The following CES1 variants were observed in gnomAD, a reference collection of about 807,000 sequenced individuals.
CES1 encodes the protein carboxylesterase 1.
Under a neutral mutation model 53.0 loss-of-function variants are expected in CES1, and 50 were observed. That is an observed-to-expected ratio of 0.94 (90% CI 0.75 to 1.19). CES1 has a LOEUF of 1.19. CES1 is among the 50% of genes most tolerant of loss of function. The pLI is 0.00. For missense variants in CES1, 534 were observed against 538.0 expected (o/e 0.99, Z 0.07); for synonymous variants, 202 against 210.1 (o/e 0.96, Z 0.33).
rs754167940 is a variant in CES1, at chr16:55,816,919, C to T, written c.945+5G>A. 4.3e-6 allele frequency: 7 copies of T among 1,613,942 alleles called. No homozygotes were observed. The South Asian group carries it at 5.5e-5, about 13-fold the overall frequency. On this transcript the variant is annotated splice_donor_5th_base_variant and intron_variant, in intron 8 of 13. Transcript: ENST00000360526. ...ACCCGTAATCCAGAAACAAAAGGTC[C>T]TTACCTCTCTGGGGTCTCCCTGTAA...
At chr16:55,810,159 C>T (rs1332766164) in intron 11 of CES1, among the ~76,000 whole-genome samples, 4 of 152,150 alleles carry the variant, frequency 2.6e-5, no homozygotes, top group Admixed American at 6.5e-5. Context: ...TGCCCCTGAG[C>T]CCTGTATTCT....
chr16:55,812,307 G>A (rs2031735887), intron 9 of CES1: 1 of 157,300 alleles, frequency 6.4e-6, no homozygotes, highest in Non-Finnish European at 1.4e-5. Flanking sequence ...TTGGGTCTCT[G>A]GAGTTTGCTG....
rs60054861 is a variant in CES1, at chr16:55,821,501, C to T, written c.560G>A (p.Arg187Gln). ...CTGGTCCAGGTGACCCCAGTTCCCC[C>T]GGCTGTGTTCATCCCCTGTGCTGTG... ...GFFSTGDEHS[R>Q]GNWGHLDQVA... is the part of the protein sequence containing the mutation. Residue 187 changes from arginine to glutamine, a missense_variant, in exon 5 of 14, where the codon CGG (arginine) becomes CAG (glutamine). Physicochemically the swap from Arg to Gln is conservative, Grantham distance 43. Transcript: ENST00000360526. 1.3e-3 allele frequency: 2,053 copies of T among 1,614,118 alleles called. 19 individuals are homozygous for T. In the African/African-American group the frequency reaches 0.022, roughly 17 times the overall value.
intron 8 of CES1, among the ~76,000 whole-genome samples, 181 bp downstream of exon 8, chr16:55,816,743 G>A (rs1018412781): frequency 6.6e-6 from 1 of 152,148 alleles, no homozygotes; most frequent in Non-Finnish European, 1.5e-5. Flanking sequence ...TGGGTTCCAG[G>A]CCAGCCACTA....
chr16:55,813,094 T>C, intron 8 of CES1, 51 bp from the exon 9 acceptor site: 1 of 1,611,220 alleles, frequency 6.2e-7, no homozygotes, highest in South Asian at 1.1e-5. Context: ...GTCACACCCA[T>C]GTCCCCAACT....
intron 2 of CES1, among the ~76,000 whole-genome samples, chr16:55,827,162 C>G (rs150750101): frequency 8.3e-4 from 126 of 152,084 alleles, no homozygotes; most frequent in East Asian, 3.7e-3. Context: ...GAAACTGAGG[C>G]ACTCAGACTC....
intron 2 of CES1, among the ~76,000 whole-genome samples, chr16:55,826,988 A>C (rs548457520): frequency 6.6e-6 from 1 of 152,332 alleles, no homozygotes; most frequent in East Asian, 1.9e-4. Context: ...TCCATTTTAC[A>C]GATGAGAAAA....
chr16:55,826,766 C>T (rs8192936), intron 2 of CES1, among the ~76,000 whole-genome samples: 16,554 of 152,008 alleles, frequency 0.11, 1,047 homozygotes, highest in East Asian at 0.19. Context: ...CTACATGAGT[C>T]TTGCAGCCCT....
At position 55,821,022 on chromosome 16, in the gene CES1, A is replaced by C. The variant is rs1415374065; in HGVS notation, c.693+346T>G. On this transcript the variant is annotated intron_variant, in intron 5 of 13. Coordinates refer to ENST00000360526, the MANE Select transcript of CES1 (RefSeq NM_001025195.2). ...TAATTTATGCCTATTCCTACTTCCC[A>C]AGAGAAGGGATGTGAGTCCTTATGT... 4.7e-4 allele frequency among the ~76,000 whole-genome samples: 72 copies of C among 152,020 alleles called. No homozygotes were observed. The East Asian group carries it at 0.012, about 26-fold the overall frequency.
At chr16:55,809,096 A>AAAAAAAAAAG in intron 11 of CES1, among the ~76,000 whole-genome samples, 1 of 148,158 alleles carries the variant, frequency 6.7e-6, no homozygotes, top group African/African-American at 2.5e-5. Flanking sequence ...GTCCTGGCAA[A>AAAAAAAAAAG]AAAAAAAAAA....
intron 8 of CES1, among the ~76,000 whole-genome samples, chr16:55,815,287 G>A (rs1250571591): frequency 4.6e-5 from 7 of 152,164 alleles, no homozygotes; most frequent in Non-Finnish European, 7.3e-5. Flanking sequence ...TGGAGGGAAG[G>A]GGATTTGTCT....
rs549071889 is a variant in CES1 at position 55,820,206 on chromosome 16, G to A, written c.801+166C>T. On this transcript the variant is annotated intron_variant, in intron 6 of 13. Transcript: ENST00000360526. ...GTTTGCCTGGCTGTGAAACTGGGAC[G>A]CTGATCAAGGTGTCTCCTCGCCCTT... 5.2e-3 allele frequency: 3,058 copies of A among 591,456 alleles called. 47 individuals carry two copies. Among genetic ancestry groups the A allele is most frequent in the African/African-American group, 0.034 (1,821 of 52,824 alleles). The allele number at this position is 591,456 out of a possible 1,614,324, so 36.6% of individuals were successfully genotyped here. A position where few individuals can be genotyped will look rare whatever the true frequency, so the allele number is the denominator to read the frequency against.
In CES1 at chr16:55,817,055, C is replaced by G; in HGVS notation, c.907-93G>C. 4 of 1,326,648 alleles carry G rather than the reference C, an allele frequency of 3.0e-6. No homozygotes were observed. The South Asian group carries it at 4.6e-5, about 15-fold the overall frequency. The allele number at this position is 1,326,648 out of a possible 1,614,324, so 82.2% of individuals were successfully genotyped here. ...GGCAACAGAGGTGTCAGGTTCTTCC[C>G]GCATCACTCCGTGAATTCGTATATC... On this transcript the variant is annotated intron_variant, in intron 7 of 13. Transcript: ENST00000360526.
chr16:55,832,547 G>A (rs2032723656), intron 1 of CES1, among the ~76,000 whole-genome samples: 1 of 152,200 alleles, frequency 6.6e-6, no homozygotes, highest in African/African-American at 2.4e-5. Flanking sequence ...TCAGAGAGGG[G>A]GTAACCCAAG....
At position 55,813,017 on chromosome 16, in the gene CES1, A is replaced by C; in HGVS notation, c.972T>G (p.Ile324Met). The change falls in exon 9 of 14, where the codon ATT becomes ATG. Residue 324 changes from isoleucine (I) to methionine (M), a missense_variant. Ile to Met is a conservative substitution (Grantham distance 10, BLOSUM62 1). Around this residue, in one of 5 missense-constraint regions of CES1, gnomAD observed 269 missense variants for 206.6 expected, o/e 1.30. Transcript: ENST00000360526. ...RESQPLLGTVIDGMLLLKTPE... is the reference protein window; with the variant it reads ...RESQPLLGTVMDGMLLLKTPE... ...GTGTTTTCAGCAGCAGCATCCCATC[A>C]ATCACAGTGCCCAGAAGGGGTTGAC... 6.2e-7 allele frequency: 1 copy of C among 1,613,982 alleles called. No homozygotes were observed. Among genetic ancestry groups the C allele is most frequent in the Non-Finnish European group, 8.5e-7 (1 of 1,179,938 alleles).
intron 9 of CES1, 119 bp downstream of exon 9, chr16:55,812,784 G>C (rs1235650832): frequency 7.0e-7 from 1 of 1,437,344 alleles, no homozygotes; most frequent in Non-Finnish European, 9.7e-7. Flanking sequence ...AACTCCTGCT[G>C]AAGGGAACAG....
chr16:55,817,731 T>C (rs536497583), intron 7 of CES1, among the ~76,000 whole-genome samples: 2 of 151,978 alleles, frequency 1.3e-5, no homozygotes, highest in East Asian at 1.9e-4. Context: ...TGTGTGTGTG[T>C]CTGTATGTGT....
At position 55,828,770 on chromosome 16, in the gene CES1, G is replaced by C. The variant is rs144498758; in HGVS notation, c.257C>G (p.Pro86Arg). The C allele has an allele frequency of 6.2e-7, 1 of 1,608,708 alleles. No homozygotes were observed. Among genetic ancestry groups the C allele is most frequent in the African/African-American group, 1.3e-5 (1 of 74,932 alleles). The change falls in exon 2 of 14, where the codon CCT (proline) becomes CGT (arginine). Residue 86 changes from proline (P) to arginine (R), a missense_variant. Physicochemically the swap from Pro to Arg is moderately radical, Grantham distance 103 (BLOSUM62 -2). Around this residue, in one of 5 missense-constraint regions of CES1, gnomAD observed 164 missense variants for 162.4 expected, o/e 1.01. Coordinates refer to ENST00000360526, the MANE Select transcript of CES1 (RefSeq NM_001025195.2). ...SFVKNATSYPPMCTQDPKAGQ... is the reference protein window; with the variant it reads ...SFVKNATSYPRMCTQDPKAGQ... The stretch of plus-strand genomic sequence containing the variant: ...AAGGACACATGCCGCAGCTTACATA[G>C]GAGGGTACGAGGTGGCATTCTTCAC...
intron 1 of CES1, among the ~76,000 whole-genome samples, chr16:55,832,025 G>A (rs1375213246): frequency 6.6e-6 from 1 of 152,114 alleles, no homozygotes; most frequent in African/African-American, 2.4e-5. Context: ...CCACCCCAGA[G>A]CCCACACCCC....
Sources: allele counts gnomAD v4.1 joint callset (sites outside exome capture counted in the v4.1 genomes callset), GRCh38; gene constraint gnomAD v4.1.1; regional missense constraint gnomAD v4.1.1; transcripts MANE v1.5; gene names NCBI Gene and HGNC (gene_info 2026-07-23, HGNC 2026-07-21).